Variants in PHTF2 observed in about 807,000 individuals in gnomAD.
PHTF2 encodes the protein protein PHTF2.
Under a neutral mutation model 101.2 loss-of-function variants are expected in PHTF2, and 60 were observed. The ratio of observed to expected loss-of-function variants is 0.59; its 90% CI spans 0.48 to 0.73. PHTF2 has a LOEUF of 0.73. PHTF2 is among the 30% of genes least tolerant of loss of function. The pLI is 0.00. For synonymous variants in PHTF2, 311 were observed against 307.3 expected, an observed-to-expected ratio of 1.01 and a Z score of -0.13; for missense variants, 747 against 908.7, an observed-to-expected ratio of 0.82 and a Z score of 2.29.
chr7:77,879,052 A>G (rs781104111), intron 3 of PHTF2, among the ~76,000 whole-genome samples: 1 of 152,216 alleles, frequency 6.6e-6, no homozygotes, highest in Admixed American at 6.5e-5. Context: ...TACTTAAGCC[A>G]GAAACTGTCA....
chr7:77,947,299 C>T (rs371069931), intron 16 of PHTF2, among the ~76,000 whole-genome samples: 2 of 152,002 alleles, frequency 1.3e-5, no homozygotes, highest in South Asian at 2.1e-4. Flanking sequence ...CGGTGGCTCA[C>T]GCCTATAATC....
chr7:77,848,957 G>C (rs1199853312), intron 2 of PHTF2, among the ~76,000 whole-genome samples: 1 of 152,068 alleles, frequency 6.6e-6, no homozygotes, highest in Non-Finnish European at 1.5e-5. Flanking sequence ...ATTTATTGAA[G>C]AGACTACTTT....
At chr7:77,918,191 C>T (rs760551244) in intron 9 of PHTF2, among the ~76,000 whole-genome samples, 9 of 152,174 alleles carry the variant, frequency 5.9e-5, no homozygotes, top group Non-Finnish European at 1.0e-4. Flanking sequence ...GACCCTTTTA[C>T]TGGCCTACCC....
intron 3 of PHTF2, among the ~76,000 whole-genome samples, chr7:77,882,269 G>C (rs1289216412): frequency 6.6e-6 from 1 of 151,868 alleles, no homozygotes; most frequent in Non-Finnish European, 1.5e-5. Flanking sequence ...CAAATGGCTA[G>C]CTAGATATAT....
intron 2 of PHTF2, among the ~76,000 whole-genome samples, chr7:77,841,902 A>G (rs1380656488): frequency 1.3e-5 from 2 of 152,150 alleles, no homozygotes; most frequent in African/African-American, 2.4e-5. Flanking sequence ...CCTAATTTCT[A>G]TCTACGGGAG....
intron 16 of PHTF2, among the ~76,000 whole-genome samples, chr7:77,944,142 T>A (rs1805859821): frequency 6.6e-6 from 1 of 152,150 alleles, no homozygotes; most frequent in Non-Finnish European, 1.5e-5. Context: ...CCAGAGCATT[T>A]AAGAATAAGC....
intron 7 of PHTF2, among the ~76,000 whole-genome samples, chr7:77,903,023 C>T (rs1801539154): frequency 6.6e-6 from 1 of 152,096 alleles, no homozygotes; most frequent in Non-Finnish European, 1.5e-5. Context: ...AACTACCCAT[C>T]ATCTTGCCTT....
intron 1 of PHTF2, among the ~76,000 whole-genome samples, chr7:77,820,707 G>A (rs1794218259): frequency 6.6e-6 from 1 of 152,162 alleles, no homozygotes; most frequent in Non-Finnish European, 1.5e-5. Flanking sequence ...CATTTCTGTG[G>A]TATCTGTTGA....
intron 11 of PHTF2, chr7:77,923,211 T>A: frequency 1.1e-6 from 1 of 905,832 alleles, no homozygotes; most frequent in South Asian, 5.1e-5. Context: ...TCTTTGTTTC[T>A]ATTTTTCCTT....
intron 1 of PHTF2, among the ~76,000 whole-genome samples, chr7:77,827,672 T>C (rs1306187863): frequency 6.6e-6 from 1 of 150,386 alleles, no homozygotes; most frequent in Non-Finnish European, 1.5e-5. Flanking sequence ...AGATGGAGTT[T>C]CGCTGTTTCA....
chr7:77,939,444 T>A (rs560455277), intron 13 of PHTF2, among the ~76,000 whole-genome samples: 2 of 151,842 alleles, frequency 1.3e-5, no homozygotes, highest in Non-Finnish European at 2.9e-5. Context: ...TGTCTTTACA[T>A]CTCTACAAAA....
At chr7:77,818,089 A>G (rs951665993) in intron 1 of PHTF2, among the ~76,000 whole-genome samples, 2 of 151,642 alleles carry the variant, frequency 1.3e-5, no homozygotes, top group African/African-American at 2.4e-5. Context: ...TAGTCTGGGC[A>G]ATGAGAGCAA....
intron 9 of PHTF2, among the ~76,000 whole-genome samples, chr7:77,916,475 C>T (rs1407192343): frequency 6.6e-6 from 1 of 152,146 alleles, no homozygotes; most frequent in Non-Finnish European, 1.5e-5. Context: ...GTTTTTGACC[C>T]TCTTTACCTG....
chr7:77,838,844 A>G (rs117851411), intron 1 of PHTF2, among the ~76,000 whole-genome samples: 1 of 152,330 alleles, frequency 6.6e-6, no homozygotes, highest in Non-Finnish European at 1.5e-5. Flanking sequence ...AGAGTCACTA[A>G]TATCTTAGGA....
chr7:77,915,690 C>T (rs547145218), intron 9 of PHTF2, among the ~76,000 whole-genome samples: 6 of 152,296 alleles, frequency 3.9e-5, no homozygotes, highest in Admixed American at 2.0e-4. Flanking sequence ...CCACCACTCT[C>T]GGGCCAGAGT....
At chr7:77,872,195 A>G (rs1468361666) in intron 3 of PHTF2, among the ~76,000 whole-genome samples, 2 of 152,052 alleles carry the variant, frequency 1.3e-5, no homozygotes, top group Non-Finnish European at 2.9e-5. Flanking sequence ...CACCATGGCC[A>G]CTTTGTTCAT....
chr7:77,861,841 T>C lies in PHTF2; in HGVS notation c.147+7007T>C, dbSNP rs576435450. On this transcript the variant is annotated intron_variant, in intron 3 of 19. Coordinates refer to ENST00000416283, the Ensembl canonical transcript of PHTF2. ...GGGAGGCCATGGCAGGTGCATCACC[T>C]GAGGTTGAGAGTTCAAGGCCAGCCT... is the stretch of plus-strand genomic sequence containing the variant. 5.2e-3 allele frequency among the ~76,000 whole-genome samples: 786 copies of C among 152,304 alleles called. 12 individuals are homozygous for C. Among genetic ancestry groups the C allele is most frequent in the African/African-American group, 0.018 (759 of 41,570 alleles).
chr7:77,912,057 T>C (rs138770418), intron 9 of PHTF2, among the ~76,000 whole-genome samples: 6 of 152,330 alleles, frequency 3.9e-5, no homozygotes, highest in Non-Finnish European at 7.4e-5. Flanking sequence ...ATGTGTAGTA[T>C]TCAGAGTCCC....
chr7:77,914,044 C>T (rs1362357797), intron 9 of PHTF2, among the ~76,000 whole-genome samples: 5 of 134,542 alleles, frequency 3.7e-5, no homozygotes, highest in Non-Finnish European at 6.1e-5. Context: ...CCAGCCTGGG[C>T]GACAGAGCTG....
Sources: allele counts gnomAD v4.1 joint callset (sites outside exome capture counted in the v4.1 genomes callset), GRCh38; gene constraint gnomAD v4.1.1; transcripts MANE v1.5; gene names NCBI Gene and HGNC (gene_info 2026-07-23, HGNC 2026-07-21).